The following ASCC1 variants were observed in gnomAD, a reference collection of about 807,000 sequenced individuals.
The protein encoded by ASCC1 is activating signal cointegrator 1 complex subunit 1.
A neutral mutation model predicts 46.6 loss-of-function variants in ASCC1; 35 were observed. The ratio of observed to expected loss-of-function variants is 0.75; its 90% CI spans 0.57 to 0.99. The LOEUF (loss-of-function observed/expected upper bound fraction) is 0.99, where lower values mean the gene tolerates loss of function less well. Ranked by LOEUF, ASCC1 falls within the 50% of genes least tolerant of loss-of-function variation. The pLI, the probability that ASCC1 is intolerant of heterozygous loss-of-function variation, is 0.00. For missense variants in ASCC1, 376 were observed against 428.7 expected, an observed-to-expected ratio of 0.88 and a Z score of 1.09; for synonymous variants, 143 against 146.6, an observed-to-expected ratio of 0.98 and a Z score of 0.18.
At chr10:72,160,396 A>G (rs1849503173) in intron 6 of ASCC1, among the ~76,000 whole-genome samples, 1 of 152,198 alleles carries the variant, frequency 6.6e-6, no homozygotes, top group South Asian at 2.1e-4. Flanking sequence ...CTTAAGTAAA[A>G]GGAAGAAAGT....
At chr10:72,155,186 G>A (rs1457367710) in intron 6 of ASCC1, among the ~76,000 whole-genome samples, 3 of 152,168 alleles carry the variant, frequency 2.0e-5, no homozygotes, top group Admixed American at 1.3e-4. Context: ...GAAAGCAGGT[G>A]GCTGATGAAT....
At chr10:72,210,872 C>T (rs759508291) in intron 2 of ASCC1, 41 bp from the exon 3 acceptor site, 3 of 1,586,436 alleles carry the variant, frequency 1.9e-6, no homozygotes, top group Non-Finnish European at 2.6e-6. Context: ...AACAATGTTG[C>T]TCTGTGGACA....
At chr10:72,188,371 G>A (rs958410074) in intron 5 of ASCC1, among the ~76,000 whole-genome samples, 15 of 151,674 alleles carry the variant, frequency 9.9e-5, no homozygotes, top group African/African-American at 2.2e-4. Flanking sequence ...CACCCACCTC[G>A]GCCTCCCAAA....
At chr10:72,198,682 A>C (rs1321561423) in intron 4 of ASCC1, 1 of 456,028 alleles carries the variant, frequency 2.2e-6, no homozygotes, top group East Asian at 6.9e-5. Context: ...TAGGAGACAC[A>C]AAAGAAATGG....
intron 8 of ASCC1, among the ~76,000 whole-genome samples, chr10:72,132,833 G>C (rs192323420): frequency 2.0e-5 from 3 of 151,790 alleles, no homozygotes; most frequent in Admixed American, 2.0e-4. Flanking sequence ...ATTTGTATTT[G>C]CTAAATATGG....
At chr10:72,214,535 C>T (rs1162942276) in intron 1 of ASCC1, among the ~76,000 whole-genome samples, 1 of 151,850 alleles carries the variant, frequency 6.6e-6, no homozygotes, top group Non-Finnish European at 1.5e-5. Context: ...GCCACCACCC[C>T]CGGCTAATTT....
intron 7 of ASCC1, among the ~76,000 whole-genome samples, chr10:72,143,415 C>A (rs1430533017): frequency 6.6e-6 from 1 of 151,696 alleles, no homozygotes; most frequent in African/African-American, 2.4e-5. Context: ...GTTGCTCAGA[C>A]TGGCCTCAAA....
chr10:72,168,782 A>G (rs1301362781), intron 5 of ASCC1, among the ~76,000 whole-genome samples: 10 of 152,240 alleles, frequency 6.6e-5, no homozygotes, highest in African/African-American at 2.4e-5. Context: ...AAACAGTCGC[A>G]TGAGGACACA....
At chr10:72,104,225 C>G (rs1205807140) in intron 9 of ASCC1, among the ~76,000 whole-genome samples, 2 of 152,096 alleles carry the variant, frequency 1.3e-5, no homozygotes, top group Non-Finnish European at 2.9e-5. Context: ...ATTAAATAGC[C>G]ACAGTGAGGA....
At chr10:72,157,037 G>A (rs1849065190) in intron 6 of ASCC1, among the ~76,000 whole-genome samples, 1 of 152,112 alleles carries the variant, frequency 6.6e-6, no homozygotes, top group Admixed American at 6.5e-5. Context: ...AAACTCCTGG[G>A]CTCAAGCAAT....
At chr10:72,187,938 G>A (rs1347677118) in intron 5 of ASCC1, among the ~76,000 whole-genome samples, 2 of 151,212 alleles carry the variant, frequency 1.3e-5, no homozygotes, top group Non-Finnish European at 2.9e-5. Flanking sequence ...GGGTGACAGA[G>A]TGAGAGTCTG....
rs117635775 is a variant in ASCC1 at position 72,135,836 on chromosome 10, A to G, written c.747-2655T>C. On this transcript the variant is annotated intron_variant, in intron 7 of 9. Coordinates refer to ENST00000672957, the MANE Select transcript of ASCC1 (RefSeq NM_001198800.3). ...AAGAAGTGAAGGTGACTCTAAAACA[A>G]TGTTTCTCCTGAGTATTTGAGAGAT... is the stretch of plus-strand genomic sequence containing the variant. 1.5e-3 allele frequency among the ~76,000 whole-genome samples: 225 copies of G among 152,326 alleles called. 2 individuals are homozygous for G. The highest frequency in any genetic ancestry group is 0.014 in the East Asian group (74 of 5,192).
intron 5 of ASCC1, among the ~76,000 whole-genome samples, chr10:72,188,598 A>G (rs1853875070): frequency 1.3e-5 from 2 of 152,188 alleles, no homozygotes; most frequent in South Asian, 2.1e-4. Context: ...GTTTTCACCC[A>G]AAACATTTTC....
At chr10:72,164,206 C>T (rs1354521605) in intron 5 of ASCC1, among the ~76,000 whole-genome samples, 1 of 152,120 alleles carries the variant, frequency 6.6e-6, no homozygotes, top group Non-Finnish European at 1.5e-5. Context: ...AGGTGATCCG[C>T]CCATCTCAGC....
At chr10:72,209,165 TAA>T (rs35847135) in intron 3 of ASCC1, among the ~76,000 whole-genome samples, 18 of 139,718 alleles carry the variant, frequency 1.3e-4, no homozygotes, top group Admixed American at 1.4e-4. Flanking sequence ...GCCCTGTCTT[TAA>T]AAAAAAAAAA....
Position 72,097,053 on chromosome 10 carries a change from C to T in ASCC1, c.*281G>A. Reference sequence around the variant, plus strand: ...ACTGTGCACTTAAAAATGGTGAAGACAGTATGTTTTATGAGTATTTTACGA... The same window carrying T: ...ACTGTGCACTTAAAAATGGTGAAGATAGTATGTTTTATGAGTATTTTACGA... On this transcript the variant is annotated 3_prime_UTR_variant, in exon 10 of 10. Transcript: ENST00000672957. The T allele has an allele frequency of 2.1e-6, 1 of 482,594 alleles. No individual in the cohort carries two copies. The highest frequency in any genetic ancestry group is 1.5e-5 in the South Asian group (1 of 64,714). 29.9% of individuals were successfully genotyped at this position (482,594 alleles called of 1,614,324 possible).
chr10:72,162,209 T>G (rs1278027722), intron 5 of ASCC1, among the ~76,000 whole-genome samples: 1 of 152,142 alleles, frequency 6.6e-6, no homozygotes, highest in Non-Finnish European at 1.5e-5. Flanking sequence ...CTCGCTCTGT[T>G]GCCCAGGCTG....
chr10:72,124,210 C>A (rs1844566410), intron 9 of ASCC1, among the ~76,000 whole-genome samples: 1 of 152,150 alleles, frequency 6.6e-6, no homozygotes, highest in Non-Finnish European at 1.5e-5. Flanking sequence ...TTTAGTACTG[C>A]CAGTCTCTTC....
At chr10:72,112,892 A>C (rs998818584) in intron 9 of ASCC1, among the ~76,000 whole-genome samples, 11 of 151,810 alleles carry the variant, frequency 7.2e-5, no homozygotes, top group African/African-American at 2.7e-4. Context: ...AAAAAAAAAA[A>C]AAAAAAAAAC....
Sources: allele counts gnomAD v4.1 joint callset (sites outside exome capture counted in the v4.1 genomes callset), GRCh38; gene constraint gnomAD v4.1.1; transcripts MANE v1.5; gene names NCBI Gene and HGNC (gene_info 2026-07-23, HGNC 2026-07-21).